Variants in SLC4A11 observed in about 807,000 individuals in gnomAD.
The protein encoded by SLC4A11 is bicarbonate transporter related protein 1.
Under a neutral mutation model 95.0 loss-of-function variants are expected in SLC4A11, and 74 were observed. That is an observed-to-expected ratio of 0.78 (90% confidence interval 0.65 to 0.95). The LOEUF is 0.95. Ranked by LOEUF, SLC4A11 falls within the 40% of genes least tolerant of loss-of-function variation. The probability of loss-of-function intolerance (pLI) is 0.00; values close to 1 mark genes in which losing one functional copy is unlikely to be tolerated. For synonymous variants in SLC4A11, 548 were observed against 519.0 expected (o/e 1.06, Z -0.76); for missense variants, 1,081 against 1,192.4 (o/e 0.91, Z 1.38).
At chr20:3,232,664 G>T (rs903800215) in intron 7 of SLC4A11, among the ~76,000 whole-genome samples, 10 of 152,334 alleles carry the variant, frequency 6.6e-5, no homozygotes, top group Middle Eastern at 3.4e-3. Flanking sequence ...AGTGAGCTGA[G>T]ATCACACCTC....
chr20:3,233,741 G>A, intron 6 of SLC4A11, 104 bp from the exon 7 acceptor site: 1 of 1,571,772 alleles, frequency 6.4e-7, no homozygotes, highest in East Asian at 2.2e-5. Flanking sequence ...CTCTGCTAGG[G>A]AGGGAAAAGA....
intron 1 of SLC4A11, chr20:3,238,422 G>T (rs2068057658): frequency 9.5e-7 from 1 of 1,048,636 alleles, no homozygotes; most frequent in Non-Finnish European, 1.1e-6. Context: ...GCTGCATCCT[G>T]AAGTGGGGGG....
intron 1 of SLC4A11, chr20:3,238,140 T>C (rs1006357178): frequency 3.5e-6 from 5 of 1,446,396 alleles, no homozygotes; most frequent in Non-Finnish European, 2.7e-6. Flanking sequence ...TCTCCAGTCC[T>C]GGGACCGCGT....
chr20:3,238,148 C>A, intron 1 of SLC4A11: 1 of 1,442,924 alleles, frequency 6.9e-7, no homozygotes, highest in Non-Finnish European at 9.1e-7. Context: ...CCTGGGACCG[C>A]GTCCCGGCCG....
At position 3,230,597 on chromosome 20, in the gene SLC4A11, C is replaced by T. The variant is rs777340021; in HGVS notation, c.1333G>A (p.Ala445Thr). ...AAACTATTCCACAGGCCCGTCCATG[C>T]GTAGAAGGAGTTGAAGTCCAGGTCA... ...DYDLDFNSFY[A>T]WTGLWNSFFL... Residue 445 changes from alanine (A) to threonine (T), a missense_variant, in exon 12 of 20, where the codon GCA (alanine) becomes ACA (threonine). Ala to Thr is a moderately conservative substitution (Grantham distance 58, BLOSUM62 0). Transcript: ENST00000642402. 27 of 1,613,710 alleles carry T rather than the reference C, an allele frequency of 1.7e-5. No individual in the cohort carries two copies. Among genetic ancestry groups the T allele is most frequent in the Middle Eastern group, 3.3e-4 (2 of 6,084 alleles).
chr20:3,229,324 C>A, intron 15 of SLC4A11, 22 bp downstream of exon 15: 1 of 1,613,124 alleles, frequency 6.2e-7, no homozygotes, highest in Non-Finnish European at 8.5e-7. Flanking sequence ...CCCACGTCAC[C>A]CACCGCCCGG....
At chr20:3,233,443 G>A in intron 7 of SLC4A11, 71 bp downstream of exon 7, 1 of 1,604,538 alleles carries the variant, frequency 6.2e-7, no homozygotes, top group Non-Finnish European at 8.5e-7. Context: ...ACATGTGGGA[G>A]GGGACCCCAA....
intron 6 of SLC4A11, 90 bp from the exon 7 acceptor site, chr20:3,233,727 C>T (rs1205576862): frequency 2.2e-5 from 35 of 1,585,260 alleles, no homozygotes; most frequent in African/African-American, 5.4e-5. Flanking sequence ...TGACCCCTGG[C>T]GACCTCTGCT....
chr20:3,235,027 G>A, intron 2 of SLC4A11, 133 bp from the exon 3 acceptor site: 6 of 1,057,050 alleles, frequency 5.7e-6, no homozygotes, highest in Non-Finnish European at 8.5e-6. Context: ...CCATCCCATA[G>A]GCGAGGAAGG....
In SLC4A11 at chr20:3,234,061, C is replaced by T. The variant is rs199672337; in HGVS notation, c.523+22G>A. Reference sequence around the variant, plus strand: ...AACAGCCCCTCCCAACGCCCCCGCCCGGGCCGGGAGACCGGCCTCACCTTT... The same window carrying T: ...AACAGCCCCTCCCAACGCCCCCGCCTGGGCCGGGAGACCGGCCTCACCTTT... On this transcript the variant is annotated intron_variant, in intron 5 of 19. Transcript: ENST00000642402. The surrounding 1 kb of genome is among the most constrained non-coding windows in gnomAD (Gnocchi z 5.8). 2,015 of 1,613,724 alleles carry T rather than the reference C, an allele frequency of 1.2e-3. 12 individuals carry two copies. Among genetic ancestry groups the T allele is most frequent in the South Asian group, 3.1e-3 (285 of 91,080 alleles).
rs1049820242 is a variant in SLC4A11, at chr20:3,237,531, G to A, written c.88+13C>T. The stretch of plus-strand genomic sequence containing the variant: ...CTCTCTCTGCACACACACACTCCCC[G>A]AGAGGTACTCACTTGAATCCTCGAA... On this transcript the variant is annotated intron_variant, in intron 2 of 19. Coordinates refer to ENST00000642402, the MANE Select transcript of SLC4A11 (RefSeq NM_001174089.2). 24 of 1,613,298 alleles carry A rather than the reference G, an allele frequency of 1.5e-5. No individual in the cohort carries two copies. The highest frequency in any genetic ancestry group is 9.3e-5 in the African/African-American group (7 of 74,906).
chr20:3,229,060 G>GGGGCGC, intron 16 of SLC4A11, 35 bp downstream of exon 16: 2 of 1,542,144 alleles, frequency 1.3e-6, no homozygotes, highest in African/African-American at 1.4e-5. Flanking sequence ...AGAGGCCCGG[G>GGGGCGC]CCCCGCCCAC....
At chr20:3,238,799 A>C in intron 1 of SLC4A11, 2 of 1,146,336 alleles carry the variant, frequency 1.7e-6, no homozygotes, top group Non-Finnish European at 2.1e-6. Context: ...CGCCCTGCCC[A>C]CTTTCGAGCT....
chr20:3,231,666 G>A lies in SLC4A11; in HGVS notation c.730-118C>T. On this transcript the variant is annotated intron_variant, in intron 7 of 19. Transcript: ENST00000642402. This position sits in a 1 kb window ranked among gnomAD's most constrained non-coding sequence, Gnocchi z 5.2. ...GGTTTTTTGTCTGTTTGTTTTTTGT[G>A]TTTTTTTGAGACAGGGTCTCACTGT... The A allele has an allele frequency of 1.1e-6, 1 of 939,220 alleles. No individual in the cohort carries two copies. 58.2% of individuals were successfully genotyped at this position (939,220 alleles called of 1,614,324 possible).
chr20:3,235,309 T>TCACACACACACACACAAACACACA (rs2067942008), intron 2 of SLC4A11, among the ~76,000 whole-genome samples: 2 of 123,540 alleles, frequency 1.6e-5, no homozygotes, highest in African/African-American at 6.3e-5. Context: ...TCTCTCTCTC[T>TCACACACACACACACAAACACACA]CACACACACA....
intron 1 of SLC4A11, chr20:3,238,099 C>G: frequency 6.8e-7 from 1 of 1,463,840 alleles, no homozygotes; most frequent in Non-Finnish European, 9.1e-7. Flanking sequence ...CGTCACGCGC[C>G]CCGGGTCACA....
Position 3,228,251 on chromosome 20 carries a change from G to A in SLC4A11, c.2558+8C>T, listed in dbSNP as rs367936492. The A allele has an allele frequency of 7.2e-6, 11 of 1,531,662 alleles. No homozygotes were observed. The highest frequency in any genetic ancestry group is 1.8e-5 in the Admixed American group (1 of 56,678). 94.9% of individuals were successfully genotyped at this position (1,531,662 alleles called of 1,614,324 possible). Reference sequence around the variant, plus strand: ...GGCCCCTCCTGCCCACTGCCCACCCGCCTGTACCGGATGGGGATCATGGCG... The same window carrying A: ...GGCCCCTCCTGCCCACTGCCCACCCACCTGTACCGGATGGGGATCATGGCG... On this transcript the variant is annotated splice_region_variant and intron_variant, in intron 19 of 19. Transcript: ENST00000642402.
At chr20:3,230,404 C>T (rs1371802414) in intron 12 of SLC4A11, 111 bp downstream of exon 12, 4 of 1,589,632 alleles carry the variant, frequency 2.5e-6, no homozygotes, top group African/African-American at 1.3e-5. Context: ...CCCACCCCAG[C>T]CCCTTGGGGC....
Position 3,234,251 on chromosome 20 carries a change from C to T in SLC4A11, c.355G>A (p.Ala119Thr). Reference sequence around the variant, plus strand: ...TCGTTCAGGACGATGCTGGCCTGCGCCAGGAAGCCATCTAGGTCGCGGTGC... The same window carrying T: ...TCGTTCAGGACGATGCTGGCCTGCGTCAGGAAGCCATCTAGGTCGCGGTGC... ...RAHRDLDGFL[A>T]QASIVLNETA... Residue 119 changes from alanine to threonine, a missense_variant, in exon 5 of 20, where the codon GCG (alanine) becomes ACG (threonine). This residue lies in a region of SLC4A11 where 310 missense variants were observed against 313.5 expected (regional missense o/e 0.99). Transcript: ENST00000642402. The surrounding 1 kb of genome is among the most constrained non-coding windows in gnomAD (Gnocchi z 5.8). 1 of 1,614,092 alleles carries T rather than the reference C, an allele frequency of 6.2e-7. No homozygotes were observed. The highest frequency in any genetic ancestry group is 8.5e-7 in the Non-Finnish European group (1 of 1,180,024).
Sources: allele counts gnomAD v4.1 joint callset (sites outside exome capture counted in the v4.1 genomes callset), GRCh38; gene constraint gnomAD v4.1.1; regional missense constraint gnomAD v4.1.1; non-coding constraint Gnocchi (gnomAD v3.1); transcripts MANE v1.5; gene names NCBI Gene and HGNC (gene_info 2026-07-23, HGNC 2026-07-21).